HEATR1: variants seen among roughly 807,000 people sequenced by gnomAD.
HEATR1 encodes the protein HEAT repeat-containing protein 1.
Under a neutral mutation model 248.2 loss-of-function variants are expected in HEATR1, and 77 were observed. That is an observed-to-expected ratio of 0.31 (90% CI 0.26 to 0.37). The LOEUF (loss-of-function observed/expected upper bound fraction) is 0.37. HEATR1 is among the 10% of genes least tolerant of loss of function. The pLI is 1.00. For synonymous variants in HEATR1, 897 were observed against 923.1 expected (o/e 0.97, Z 0.51); for missense variants, 2,420 against 2,504.9 (o/e 0.97, Z 0.72).
At chr1:236,551,273 C>A (rs549183623) in intron 44 of HEATR1, 20 of 400,044 alleles carry the variant, frequency 5.0e-5, no homozygotes, top group Admixed American at 3.4e-4. Context: ...ACACCTCCCC[C>A]CTCCAAGAGC....
chr1:236,557,184 T>C lies in HEATR1; in HGVS notation c.5355+11A>G. ...CACCCTGCGTAGCATGTCGTGGCTA[T>C]CGTGGCTCACCTGGGAGAGAATGCC... On this transcript the variant is annotated intron_variant, in intron 37 of 44. Transcript: ENST00000366582. The C allele has an allele frequency of 5.0e-6, 8 of 1,613,374 alleles. No homozygotes were observed. The highest frequency in any genetic ancestry group is 6.8e-6 in the Non-Finnish European group (8 of 1,179,658).
chr1:236,558,238 T>C lies in HEATR1; in HGVS notation c.5203A>G (p.Ser1735Gly). Residue 1735 changes from serine (S) to glycine (G), a missense_variant and splice_region_variant, in exon 36 of 45, where the codon AGC becomes GGC. Ser to Gly is a moderately conservative substitution (Grantham distance 56). Coordinates refer to ENST00000366582, the MANE Select transcript of HEATR1 (RefSeq NM_018072.6). ...TGTTCCAAGTCTCCGGCCGCATACCTGGGAAGCTGGGGGATGGCCAGCGCC... is the reference window on the plus strand; with the variant it reads ...TGTTCCAAGTCTCCGGCCGCATACCCGGGAAGCTGGGGGATGGCCAGCGCC... ...LEALAIPQLP[S>G]LMPSLLTTMK... 1.2e-6 allele frequency: 2 copies of C among 1,610,400 alleles called. No individual in the cohort carries two copies. The highest frequency in any genetic ancestry group is 1.7e-6 in the Non-Finnish European group (2 of 1,178,200).
At chr1:236,586,158 G>T in intron 15 of HEATR1, 83 bp downstream of exon 15, 4 of 1,296,108 alleles carry the variant, frequency 3.1e-6, no homozygotes, top group Non-Finnish European at 4.2e-6. Flanking sequence ...ATATAAGCAT[G>T]ACCAACAATA....
chr1:236,599,894 A>G (rs979289061), intron 3 of HEATR1, among the ~76,000 whole-genome samples: 7 of 152,064 alleles, frequency 4.6e-5, no homozygotes, highest in Non-Finnish European at 1.0e-4. Flanking sequence ...CAGCTTTACA[A>G]TTTTTATTTA....
chr1:236,569,320 T>C (rs1663360944), intron 28 of HEATR1, among the ~76,000 whole-genome samples, 196 bp from the exon 29 acceptor site: 1 of 152,112 alleles, frequency 6.6e-6, no homozygotes, highest in Non-Finnish European at 1.5e-5. Context: ...GGACTACAGG[T>C]GCATGCTACC....
chr1:236,558,843 AC>A, intron 35 of HEATR1, 151 bp downstream of exon 35: 1 of 735,006 alleles, frequency 1.4e-6, no homozygotes. Context: ...GTTAGAATTA[AC>A]GTCACATTTT....
At chr1:236,556,291 C>T (rs759110481) in intron 37 of HEATR1, 33 bp from the exon 38 acceptor site, 1 of 1,609,694 alleles carries the variant, frequency 6.2e-7, no homozygotes, top group Non-Finnish European at 8.5e-7. Context: ...ATCAGGGCCA[C>T]TGCAGATCTT....
At chr1:236,589,573 T>C (rs768991139) in intron 12 of HEATR1, among the ~76,000 whole-genome samples, 49 of 152,294 alleles carry the variant, frequency 3.2e-4, no homozygotes, top group Middle Eastern at 6.8e-3. Flanking sequence ...ATGAACTTAG[T>C]GTGATTAGTT....
Position 236,576,848 on chromosome 1 carries a change from A to C in HEATR1, c.2857T>G (p.Tyr953Asp). 3 of 1,614,120 alleles carry C rather than the reference A, an allele frequency of 1.9e-6. No homozygotes were observed. Among genetic ancestry groups the C allele is most frequent in the Non-Finnish European group, 1.7e-6 (2 of 1,179,944 alleles). ...QALSGVASPF[Y>D]LIIDHLISKA... ...GAAATCAAATGATCTATTATCAGAT[A>C]AAACGGGGATGCCACTCCACTGAGG... The change falls in exon 21 of 45, where the codon TAT (tyrosine) becomes GAT (aspartate). Residue 953 changes from tyrosine to aspartate, a missense_variant. Transcript: ENST00000366582.
rs1002457815 is a variant in HEATR1, at chr1:236,604,428, C to T, written c.-39G>A. The T allele has an allele frequency of 4.5e-6, 1 of 221,208 alleles. No homozygotes were observed. Among genetic ancestry groups the T allele is most frequent in the Non-Finnish European group, 8.8e-6 (1 of 114,240 alleles). 13.7% of individuals were successfully genotyped at this position (221,208 alleles called of 1,614,324 possible). A position where few individuals can be genotyped will look rare whatever the true frequency, so the allele number is the denominator to read the frequency against. The stretch of plus-strand genomic sequence containing the variant: ...GCGGCTCTGTGCCGCTTACCTGGAA[C>T]TGGGAATTTGGGTATATCTTGGAAG... On this transcript the variant is annotated 5_prime_UTR_variant, in exon 1 of 45. Coordinates refer to ENST00000366582, the MANE Select transcript of HEATR1 (RefSeq NM_018072.6).
chr1:236,604,065 G>T lies in HEATR1; in HGVS notation c.31C>A (p.Leu11Ile). Reference sequence around the variant, plus strand: ...CTGGCATCACTTTGAGGGAGGGCGAGTCGTTGCAGCTGCTGGGCTAAGGAC... The same window carrying T: ...CTGGCATCACTTTGAGGGAGGGCGATTCGTTGCAGCTGCTGGGCTAAGGAC... Reference protein sequence around the residue: MTSLAQQLQRLALPQSDASLL... With the variant: MTSLAQQLQRIALPQSDASLL... Residue 11 changes from leucine to isoleucine, a missense_variant, in exon 2 of 45, where the codon CTC becomes ATC. Physicochemically the swap from Leu to Ile is conservative, Grantham distance 5. Transcript: ENST00000366582. 1 of 1,581,090 alleles carries T rather than the reference G, an allele frequency of 6.3e-7. No individual in the cohort carries two copies. The highest frequency in any genetic ancestry group is 2.0e-5 in the Admixed American group (1 of 50,404).
At chr1:236,598,893 G>A (rs1176529804) in intron 4 of HEATR1, among the ~76,000 whole-genome samples, 2 of 152,154 alleles carry the variant, frequency 1.3e-5, no homozygotes, top group Non-Finnish European at 2.9e-5. Context: ...AGTGCTAACG[G>A]TTAGTCAGTT....
rs775229801 is a variant in HEATR1, at chr1:236,558,500, G to A, written c.4941C>T (p.Asp1647=). 2 of 1,613,394 alleles carry A rather than the reference G, an allele frequency of 1.2e-6. No individual in the cohort carries two copies. Among genetic ancestry groups the A allele is most frequent in the South Asian group, 2.2e-5 (2 of 91,054 alleles). Residue 1647 remains aspartate (D), a synonymous_variant, in exon 36 of 45, where the codon GAC becomes GAT. Transcript: ENST00000366582. ...IVTRFLKLVP[D]LLAIVQRKKK... ...TCTTACGCTGCACAATGGCCAAAAGGTCTGGAACCAGTTTTAGGAAACGGG... is the reference window on the plus strand; with the variant it reads ...TCTTACGCTGCACAATGGCCAAAAGATCTGGAACCAGTTTTAGGAAACGGG...
chr1:236,561,388 T>C, intron 32 of HEATR1, 117 bp from the exon 33 acceptor site: 1 of 765,846 alleles, frequency 1.3e-6, no homozygotes, highest in Admixed American at 2.1e-5. Context: ...AACTGTTTTC[T>C]GACATTACAA....
intron 2 of HEATR1, 72 bp downstream of exon 2, chr1:236,603,882 G>GAA (rs541891083): frequency 1.5e-4 from 132 of 882,098 alleles, no homozygotes; most frequent in Middle Eastern, 2.6e-4. Flanking sequence ...AAAACAAGGG[G>GAA]AAAAAAAAAA....
intron 3 of HEATR1, 29 bp from the exon 4 acceptor site, chr1:236,599,653 G>T: frequency 1.3e-6 from 2 of 1,572,896 alleles, no homozygotes; most frequent in South Asian, 2.4e-5. Context: ...CAGTCCAACT[G>T]AACACAAAAC....
rs1226290413 is a variant in HEATR1 at position 236,557,321 on chromosome 1, T to C, written c.5229A>G (p.Thr1743=). The change falls in exon 37 of 45, where the codon ACA becomes ACG. Residue 1743 remains threonine, a synonymous_variant. Coordinates refer to ENST00000366582, the MANE Select transcript of HEATR1 (RefSeq NM_018072.6). ...LPSLMPSLLT[T]MKNTSELVSS... Reference sequence around the variant, plus strand: ...AGACCAGCTCGCTGGTGTTCTTCATTGTTGTCAGCAACGATGGCATCAGGC... The same window carrying C: ...AGACCAGCTCGCTGGTGTTCTTCATCGTTGTCAGCAACGATGGCATCAGGC... The C allele has an allele frequency of 1.2e-6, 2 of 1,614,124 alleles. No individual in the cohort carries two copies. The highest frequency in any genetic ancestry group is 1.1e-5 in the South Asian group (1 of 91,074).
At position 236,550,651 on chromosome 1, in the gene HEATR1, A is replaced by T; in HGVS notation, c.*251T>A. On this transcript the variant is annotated 3_prime_UTR_variant, in exon 45 of 45. Transcript: ENST00000366582. ...CAGGAAGAGAATAATAAATGTTTAA[A>T]CAAACACAGCAGTCTGTATAAAAAT... The T allele has an allele frequency of 2.4e-6, 1 of 414,604 alleles. No homozygotes were observed. The highest frequency in any genetic ancestry group is 3.8e-5 in the East Asian group (1 of 26,358). 25.7% of individuals were successfully genotyped at this position (414,604 alleles called of 1,614,324 possible). A position where few individuals can be genotyped will look rare whatever the true frequency, so the allele number is the denominator to read the frequency against.
intron 28 of HEATR1, among the ~76,000 whole-genome samples, chr1:236,571,059 T>C (rs1259797230): frequency 6.6e-6 from 1 of 152,228 alleles, no homozygotes; most frequent in South Asian, 2.1e-4. Context: ...ATTAGATAGA[T>C]AGTGTGCCAG....
Sources: gnomAD v4.1 joint callset for allele counts (sites outside exome capture counted in the v4.1 genomes callset) on GRCh38, gnomAD v4.1.1 for gene constraint, MANE v1.5 for transcripts, NCBI Gene and HGNC (gene_info 2026-07-23, HGNC 2026-07-21) for gene names.